Variants in THSD7A observed in about 807,000 individuals in gnomAD.
The protein encoded by THSD7A is thrombospondin type-1 domain-containing protein 7A.
A neutral mutation model predicts 231.3 loss-of-function variants in THSD7A; 96 were observed. That is an observed-to-expected ratio of 0.41 (90% CI 0.35 to 0.49). The LOEUF is 0.49. Among genes scored for constraint, THSD7A ranks in the 20% least tolerant of loss-of-function variants. The pLI, the probability that THSD7A is intolerant of heterozygous loss-of-function variation, is 0.05. For missense variants in THSD7A, 2,290 were observed against 2,070.2 expected (o/e 1.11, Z -2.06); for synonymous variants, 940 against 743.3 (o/e 1.26, Z -4.30).
chr7:11,820,441 T>C, intron 1 of THSD7A: 1 of 1,316,988 alleles, frequency 7.6e-7, no homozygotes, highest in South Asian at 1.7e-5. Flanking sequence ...GGTGCTTGAT[T>C]TCCAGAACAT....
intron 2 of THSD7A, among the ~76,000 whole-genome samples, chr7:11,612,029 C>A (rs140030245): frequency 6.6e-6 from 1 of 152,074 alleles, no homozygotes; most frequent in African/African-American, 2.4e-5. Flanking sequence ...AAGGCTTGAG[C>A]CCTTCATGAC....
At chr7:11,687,747 C>T (rs1780102911) in intron 1 of THSD7A, among the ~76,000 whole-genome samples, 1 of 151,758 alleles carries the variant, frequency 6.6e-6, no homozygotes, top group African/African-American at 2.4e-5. Flanking sequence ...TCATGCAGGC[C>T]AGGCTATGTG....
chr7:11,376,203 T>C (rs1782265800), intron 27 of THSD7A, among the ~76,000 whole-genome samples: 1 of 152,100 alleles, frequency 6.6e-6, no homozygotes, highest in African/African-American at 2.4e-5. Context: ...AAATAATGCA[T>C]AATTTATAAA....
chr7:11,736,947 A>AT (rs1165651299), intron 1 of THSD7A, among the ~76,000 whole-genome samples: 1 of 151,944 alleles, frequency 6.6e-6, no homozygotes, highest in Admixed American at 6.6e-5. Context: ...ACGAGATATG[A>AT]TTTTTTATAA....
chr7:11,608,973 C>T (rs1780830119), intron 2 of THSD7A, among the ~76,000 whole-genome samples: 2 of 152,194 alleles, frequency 1.3e-5, no homozygotes, highest in Non-Finnish European at 2.9e-5. Context: ...TTCAAATCAT[C>T]TGGTGATCTC....
intron 2 of THSD7A, among the ~76,000 whole-genome samples, chr7:11,612,388 A>C (rs1190090979): frequency 4.6e-5 from 7 of 152,212 alleles, no homozygotes; most frequent in Admixed American, 4.6e-4. Context: ...ATGCAGAAAC[A>C]GTTCTCGTCA....
chr7:11,793,908 T>C (rs1239590490), intron 1 of THSD7A, among the ~76,000 whole-genome samples: 3 of 151,894 alleles, frequency 2.0e-5, no homozygotes, highest in Non-Finnish European at 4.4e-5. Flanking sequence ...ACTAACAATA[T>C]ACATATGTAT....
Position 11,411,342 on chromosome 7 carries a change from A to G in THSD7A, c.3683-20T>C. On this transcript the variant is annotated intron_variant, in intron 18 of 27. Coordinates refer to ENST00000423059, the MANE Select transcript of THSD7A (RefSeq NM_015204.3). This position sits in a 1 kb window ranked among gnomAD's most constrained non-coding sequence, Gnocchi z 4.1. The stretch of plus-strand genomic sequence containing the variant: ...TCCAGTCTGAAAAAAAGGGAAGCCC[A>G]TCAGAACAGAAGGCTAAGTAAGAAA... 1 of 1,546,324 alleles carries G rather than the reference A, an allele frequency of 6.5e-7. No individual in the cohort carries two copies. The highest frequency in any genetic ancestry group is 8.9e-7 in the Non-Finnish European group (1 of 1,120,488).
chr7:11,645,487 T>A (rs903078454), intron 1 of THSD7A, among the ~76,000 whole-genome samples: 13 of 151,902 alleles, frequency 8.6e-5, no homozygotes, highest in African/African-American at 2.7e-4. Flanking sequence ...TTAATCTTCT[T>A]ATAGATTTAT....
intron 4 of THSD7A, among the ~76,000 whole-genome samples, chr7:11,575,379 T>C (rs1300751280): frequency 6.6e-6 from 1 of 152,222 alleles, no homozygotes; most frequent in Non-Finnish European, 1.5e-5. Flanking sequence ...TTTTCCTTTA[T>C]CAGTGCCTAG....
intron 2 of THSD7A, among the ~76,000 whole-genome samples, chr7:11,609,530 A>G (rs1780850823): frequency 1.3e-5 from 2 of 152,160 alleles, no homozygotes; most frequent in Non-Finnish European, 1.5e-5. Flanking sequence ...TTCAGATAGA[A>G]CTGGGGGCAA....
At chr7:11,476,835 AG>A (rs369999558) in intron 7 of THSD7A, among the ~76,000 whole-genome samples, 1,332 of 103,794 alleles carry the variant, frequency 0.013, 14 homozygotes, top group South Asian at 0.038. Flanking sequence ...AAAAAAAAAA[AG>A]ATAGTGTAGA....
intron 4 of THSD7A, among the ~76,000 whole-genome samples, chr7:11,568,973 T>C (rs1386530197): frequency 7.9e-6 from 1 of 126,562 alleles, no homozygotes; most frequent in South Asian, 2.6e-4. Context: ...AGCAATCCCG[T>C]TTACAATAGC....
chr7:11,653,765 T>C (rs1252495760), intron 1 of THSD7A, among the ~76,000 whole-genome samples: 2 of 151,866 alleles, frequency 1.3e-5, no homozygotes, highest in African/African-American at 2.4e-5. Context: ...TGAAGTCTAG[T>C]TTATACCAGT....
At chr7:11,657,245 C>G (rs934766280) in intron 1 of THSD7A, among the ~76,000 whole-genome samples, 1 of 151,732 alleles carries the variant, frequency 6.6e-6, no homozygotes, top group Non-Finnish European at 1.5e-5. Context: ...TAGTAGAACT[C>G]ACAAGTTGGT....
At position 11,480,689 on chromosome 7, in the gene THSD7A, C is replaced by T. The variant is rs185048401; in HGVS notation, c.2017+1099G>A. On this transcript the variant is annotated intron_variant, in intron 7 of 27. Coordinates refer to ENST00000423059, the MANE Select transcript of THSD7A (RefSeq NM_015204.3). ...GCTTTTCTGTGTGTAAAATGTTTTA[C>T]GCATGTAACACTCATGTGCAAAGGC... Among the ~76,000 whole-genome samples the T allele has an allele frequency of 1.3e-4, 20 of 152,076 alleles. No homozygotes were observed. The East Asian group carries it at 3.5e-3, about 27-fold the overall frequency.
chr7:11,383,252 A>G (rs889794880), intron 23 of THSD7A, among the ~76,000 whole-genome samples: 39 of 152,154 alleles, frequency 2.6e-4, no homozygotes, highest in African/African-American at 8.7e-4. Context: ...AACTTAGTCA[A>G]TGTTACAGGT....
intron 4 of THSD7A, among the ~76,000 whole-genome samples, chr7:11,561,331 C>A (rs1790068683): frequency 6.6e-6 from 1 of 152,138 alleles, no homozygotes; most frequent in Admixed American, 6.5e-5. Context: ...AAGATAATCA[C>A]ATATCAAACC....
intron 4 of THSD7A, among the ~76,000 whole-genome samples, chr7:11,575,519 C>A (rs550018256): frequency 8.5e-5 from 13 of 152,206 alleles, no homozygotes; most frequent in African/African-American, 3.1e-4. Flanking sequence ...CTATCCTCAC[C>A]GCAATGATGG....
Sources: gnomAD v4.1 joint callset for allele counts (sites outside exome capture counted in the v4.1 genomes callset) on GRCh38, gnomAD v4.1.1 for gene constraint, Gnocchi (gnomAD v3.1) non-coding constraint, MANE v1.5 for transcripts, NCBI Gene and HGNC (gene_info 2026-07-23, HGNC 2026-07-21) for gene names.